Variants in SFI1 observed in about 807,000 individuals in gnomAD.
SFI1 encodes the protein SFI1 centrin binding protein.
SFI1 carries 195 observed loss-of-function variants against 207.5 expected under a neutral mutation model. The ratio of observed to expected loss-of-function variants is 0.94; its 90% confidence interval spans 0.84 to 1.06. The LOEUF (loss-of-function observed/expected upper bound fraction) is 1.06, where lower values mean the gene tolerates loss of function less well. SFI1 is among the 50% of genes least tolerant of loss of function. The pLI is 0.00. For synonymous variants in SFI1, 630 were observed against 598.9 expected (o/e 1.05, Z -0.76); for missense variants, 1,634 against 1,588.0 (o/e 1.03, Z -0.49).
rs542457113 is a variant in SFI1, at chr22:31,604,375, G to A, written c.1948G>A (p.Val650Met). 4.3e-5 allele frequency: 67 copies of A among 1,569,742 alleles called. No individual in the cohort carries two copies. In the South Asian group the frequency reaches 6.0e-4, roughly 14 times the overall value. The part of the protein sequence containing the change: ...MRADLHHQHS[V>M]LHRALQAWVT... Reference sequence around the variant, plus strand: ...AGCAGACCTGCACCACCAGCACAGCGTGCTGCACAGGGCGCTGCAGGCATG... The same window carrying A: ...AGCAGACCTGCACCACCAGCACAGCATGCTGCACAGGGCGCTGCAGGCATG... The change falls in exon 19 of 33, where the codon GTG (valine) becomes ATG (methionine). Residue 650 changes from valine to methionine, a missense_variant. Val to Met is a conservative substitution (Grantham distance 21). Transcript: ENST00000400288.
At chr22:31,569,947 C>CAAAAAAAAAA (rs71202099) in intron 8 of SFI1, among the ~76,000 whole-genome samples, 1 of 131,318 alleles carries the variant, frequency 7.6e-6, no homozygotes, top group Non-Finnish European at 1.6e-5. Flanking sequence ...GAACCTATCT[C>CAAAAAAAAAA]AAAAAAAAAA....
At chr22:31,593,620 G>A (rs1252807639) in intron 15 of SFI1, among the ~76,000 whole-genome samples, 2 of 110,002 alleles carry the variant, frequency 1.8e-5, no homozygotes, top group Non-Finnish European at 3.7e-5. Flanking sequence ...CTGCAATCTC[G>A]GCACTTTGGG....
At chr22:31,559,693 G>A in intron 7 of SFI1, 1 of 820,156 alleles carries the variant, frequency 1.2e-6, no homozygotes, top group Non-Finnish European at 2.1e-6. Flanking sequence ...TGACCATTAT[G>A]CAGAATCCAT....
At chr22:31,514,012 T>G (rs2056074530) in intron 2 of SFI1, among the ~76,000 whole-genome samples, 1 of 151,888 alleles carries the variant, frequency 6.6e-6, no homozygotes. Flanking sequence ...CATGCTACTA[T>G]AATTCCAGCT....
intron 8 of SFI1, among the ~76,000 whole-genome samples, chr22:31,568,224 A>AT (rs1301046058): frequency 0.012 from 1,453 of 124,388 alleles, 24 homozygotes; most frequent in African/African-American, 0.027. Flanking sequence ...ATATATATAT[A>AT]TATTTTTTTT....
chr22:31,505,807 A>G (rs2054544470), intron 1 of SFI1, among the ~76,000 whole-genome samples: 1 of 152,068 alleles, frequency 6.6e-6, no homozygotes, highest in Non-Finnish European at 1.5e-5. Flanking sequence ...CTGCTTGAGC[A>G]TGGGAGGTTG....
chr22:31,605,934 TAAGCAAG>T lies in SFI1; in HGVS notation c.2055-391_2055-385del, dbSNP rs1174554550. 9 of 208,922 alleles carry T rather than the reference TAAGCAAG, an allele frequency of 4.3e-5. No homozygotes were observed. The South Asian group carries it at 6.7e-4, about 15-fold the overall frequency. The allele number at this position is 208,922 out of a possible 1,614,324, so 12.9% of individuals were successfully genotyped here. ...ATCCCGCTCTTCAGACAGGGTGGAA[TAAGCAAG>T]AACTCCCTGAGCTAACTCAGCAGCA... On this transcript the variant is annotated intron_variant, in intron 20 of 32. Coordinates refer to ENST00000400288, the MANE Select transcript of SFI1 (RefSeq NM_001007467.3).
Position 31,604,417 on chromosome 22 carries a change from G to C in SFI1, c.1977+13G>C, listed in dbSNP as rs1229527872. The C allele has an allele frequency of 1.3e-6, 2 of 1,506,894 alleles. No homozygotes were observed. Among genetic ancestry groups the C allele is most frequent in the African/African-American group, 1.4e-5 (1 of 71,964 alleles). 93.3% of individuals were successfully genotyped at this position (1,506,894 alleles called of 1,614,324 possible). On this transcript the variant is annotated intron_variant, in intron 19 of 32. Coordinates refer to ENST00000400288, the MANE Select transcript of SFI1 (RefSeq NM_001007467.3). ...GCAGGCATGGGTGGTAGGAACTGCT[G>C]CTTCCCTCCTGATCTTGCTGTGGGG...
At chr22:31,511,529 G>C (rs935487363) in intron 2 of SFI1, among the ~76,000 whole-genome samples, 2 of 139,524 alleles carry the variant, frequency 1.4e-5, no homozygotes, top group African/African-American at 5.2e-5. Context: ...AGTGCATGGC[G>C]CGATCTCCGC....
At chr22:31,596,059 C>G (rs2067054689) in intron 15 of SFI1, among the ~76,000 whole-genome samples, 1 of 152,028 alleles carries the variant, frequency 6.6e-6, no homozygotes, top group Admixed American at 6.6e-5. Flanking sequence ...TTCAGACCAG[C>G]CTGGCCAACA....
chr22:31,592,466 C>T, intron 15 of SFI1, among the ~76,000 whole-genome samples: 1 of 48,552 alleles, frequency 2.1e-5, no homozygotes, highest in Non-Finnish European at 3.9e-5. Context: ...CCGACCCCCT[C>T]ACCTCCCTCC....
chr22:31,589,897 T>A (rs1300230658), intron 15 of SFI1, among the ~76,000 whole-genome samples: 1 of 151,790 alleles, frequency 6.6e-6, no homozygotes, highest in Non-Finnish European at 1.5e-5. Flanking sequence ...AGAGACTTAT[T>A]ATGAGGAATT....
chr22:31,510,206 T>C (rs574135385), intron 2 of SFI1, among the ~76,000 whole-genome samples: 1 of 152,044 alleles, frequency 6.6e-6, no homozygotes, highest in Non-Finnish European at 1.5e-5. Flanking sequence ...AAAAATTATT[T>C]ATTTTAGAGA....
chr22:31,500,230 G>A (rs1017935808), intron 1 of SFI1, among the ~76,000 whole-genome samples: 4 of 144,422 alleles, frequency 2.8e-5, no homozygotes, highest in East Asian at 2.0e-4. Flanking sequence ...CAGGAGAATC[G>A]CTTGAACCCG....
At chr22:31,535,578 A>G (rs1433574121) in intron 4 of SFI1, among the ~76,000 whole-genome samples, 1 of 151,650 alleles carries the variant, frequency 6.6e-6, no homozygotes, top group African/African-American at 2.4e-5. Flanking sequence ...ATCTTGGCTC[A>G]CTGCAACCTC....
At chr22:31,545,650 C>T (rs569922146) in intron 4 of SFI1, among the ~76,000 whole-genome samples, 1 of 151,666 alleles carries the variant, frequency 6.6e-6, no homozygotes, top group Non-Finnish European at 1.5e-5. Flanking sequence ...GGCTCGATCT[C>T]GGCTCACCAC....
chr22:31,508,133 C>A, intron 1 of SFI1, 122 bp from the exon 2 acceptor site: 1 of 572,228 alleles, frequency 1.7e-6, no homozygotes, highest in South Asian at 2.2e-5. Context: ...AGACCTAGCC[C>A]ACATTCATCT....
At chr22:31,597,970 A>C (rs573888445) in intron 15 of SFI1, among the ~76,000 whole-genome samples, 2 of 151,440 alleles carry the variant, frequency 1.3e-5, no homozygotes, top group African/African-American at 4.8e-5. Context: ...AAGTTCGATG[A>C]GTTTTCATAG....
chr22:31,514,051 T>C (rs2056080157), intron 2 of SFI1, among the ~76,000 whole-genome samples: 1 of 150,666 alleles, frequency 6.6e-6, no homozygotes, highest in South Asian at 2.1e-4. Context: ...GGAGAATCAC[T>C]TGAATCTGGG....
Sources: allele counts gnomAD v4.1 joint callset (sites outside exome capture counted in the v4.1 genomes callset), GRCh38; gene constraint gnomAD v4.1.1; transcripts MANE v1.5; gene names NCBI Gene and HGNC (gene_info 2026-07-23, HGNC 2026-07-21).